The following ZBTB38 variants were observed in gnomAD, a reference collection of about 807,000 sequenced individuals.
ZBTB38 encodes zinc finger and BTB domain-containing protein 38.
A neutral mutation model predicts 76.8 loss-of-function variants in ZBTB38; 20 were observed. The observed-to-expected ratio is 0.26, with a 90% CI of 0.18 to 0.38. The LOEUF (loss-of-function observed/expected upper bound fraction) is 0.38. ZBTB38 is among the 10% of genes least tolerant of loss of function. The pLI is 1.00. For synonymous variants in ZBTB38, 504 were observed against 544.2 expected (o/e 0.93, Z 1.03); for missense variants, 1,082 against 1,482.3 (o/e 0.73, Z 4.43).
intron 5 of ZBTB38, among the ~76,000 whole-genome samples, chr3:141,435,726 C>T (rs1348070555): frequency 2.0e-5 from 3 of 151,394 alleles, no homozygotes; most frequent in Non-Finnish European, 4.4e-5. Context: ...CACCACTGCA[C>T]TCCAGCCTGG....
intron 1 of ZBTB38, among the ~76,000 whole-genome samples, chr3:141,349,557 A>ATC (rs2148929213): frequency 6.6e-6 from 1 of 152,226 alleles, no homozygotes; most frequent in Non-Finnish European, 1.5e-5. Flanking sequence ...ATACTTGAAG[A>ATC]AAGAATACAA....
chr3:141,437,688 A>G (rs558954144), intron 5 of ZBTB38, among the ~76,000 whole-genome samples: 3 of 152,338 alleles, frequency 2.0e-5, no homozygotes, highest in East Asian at 3.9e-4. Context: ...ATAAAAATAC[A>G]TATGGATTCC....
intron 5 of ZBTB38, among the ~76,000 whole-genome samples, chr3:141,417,767 A>G (rs1254082180): frequency 6.6e-6 from 1 of 152,192 alleles, no homozygotes; most frequent in Non-Finnish European, 1.5e-5. Context: ...CTGTAATCCC[A>G]GCACTTTGGG....
chr3:141,379,375 T>G (rs1315773480), intron 2 of ZBTB38, among the ~76,000 whole-genome samples: 1 of 152,186 alleles, frequency 6.6e-6, no homozygotes, highest in Non-Finnish European at 1.5e-5. Flanking sequence ...AGATGGAGGC[T>G]GAGCATATGG....
At chr3:141,411,710 A>T (rs1430455923) in intron 5 of ZBTB38, among the ~76,000 whole-genome samples, 2 of 152,150 alleles carry the variant, frequency 1.3e-5, no homozygotes, top group African/African-American at 4.8e-5. Flanking sequence ...AAGAAAAAAA[A>T]CCCTGACCTT....
intron 1 of ZBTB38, among the ~76,000 whole-genome samples, chr3:141,339,358 G>T (rs951549131): frequency 2.6e-5 from 4 of 152,178 alleles, no homozygotes; most frequent in Non-Finnish European, 4.4e-5. Context: ...GGAGCATTTT[G>T]AACAGAAGAG....
intron 4 of ZBTB38, among the ~76,000 whole-genome samples, chr3:141,401,326 T>A (rs1186692806): frequency 2.0e-5 from 3 of 152,208 alleles, no homozygotes; most frequent in African/African-American, 7.2e-5. Context: ...GGTTGGGAAA[T>A]GCTAATATAC....
chr3:141,403,240 T>C (rs1296162484), intron 4 of ZBTB38: 1 of 152,218 alleles, frequency 6.6e-6, no homozygotes. Context: ...TATGGTGCCT[T>C]ATACATATTT....
intron 2 of ZBTB38, among the ~76,000 whole-genome samples, chr3:141,377,247 C>T (rs1422213883): frequency 6.6e-6 from 1 of 152,224 alleles, no homozygotes; most frequent in Non-Finnish European, 1.5e-5. Flanking sequence ...CCAGAAAGAC[C>T]ATCCCATTTT....
chr3:141,336,231 G>A (rs1943011984), intron 1 of ZBTB38, among the ~76,000 whole-genome samples: 2 of 152,138 alleles, frequency 1.3e-5, no homozygotes, highest in African/African-American at 4.8e-5. Flanking sequence ...AAAGGCACTG[G>A]CTGGTGCCTG....
intron 5 of ZBTB38, among the ~76,000 whole-genome samples, chr3:141,407,117 T>TA (rs1321826649): frequency 6.6e-6 from 1 of 152,240 alleles, no homozygotes; most frequent in East Asian, 1.9e-4. Flanking sequence ...TATCCCTTAA[T>TA]AGAATTGAGT....
Position 141,371,045 on chromosome 3 carries a change from C to CTTTCCTTTTTTTTTTTT in ZBTB38, c.-235+1102_-235+1103insCCTTTTTTTTTTTTTTT, listed in dbSNP as rs1944498561. Among the ~76,000 whole-genome samples, 4 of 72,006 alleles carry CTTTCCTTTTTTTTTTTT rather than the reference C, an allele frequency of 5.6e-5. 1 individual carries two copies. Among genetic ancestry groups the CTTTCCTTTTTTTTTTTT allele is most frequent in the African/African-American group, 2.3e-4 (3 of 12,854 alleles). 47.2% of individuals were successfully genotyped at this position (72,006 alleles called of 152,430 possible). A position where few individuals can be genotyped will look rare whatever the true frequency, so the allele number is the denominator to read the frequency against. ...GTTTTTTCTTTTCTTTTCTTTCTTT[C>CTTTCCTTTTTTTTTTTT]TTTTTTTTTTTTTTTTTTTTTTTTT... On this transcript the variant is annotated intron_variant, in intron 2 of 5. Transcript: ENST00000321464.
At chr3:141,398,358 C>G (rs1427978507) in intron 4 of ZBTB38, among the ~76,000 whole-genome samples, 1 of 151,880 alleles carries the variant, frequency 6.6e-6, no homozygotes, top group East Asian at 1.9e-4. Context: ...AGTAGTATAT[C>G]CCTATTATGA....
At chr3:141,390,816 A>G (rs1948648536) in intron 4 of ZBTB38, among the ~76,000 whole-genome samples, 1 of 152,198 alleles carries the variant, frequency 6.6e-6, no homozygotes, top group Admixed American at 6.5e-5. Context: ...AAAAATATAG[A>G]TGTAAATAAA....
At chr3:141,401,386 A>G (rs887365273) in intron 4 of ZBTB38, among the ~76,000 whole-genome samples, 10 of 151,446 alleles carry the variant, frequency 6.6e-5, no homozygotes, top group African/African-American at 2.4e-4. Context: ...TCTTCCTTTT[A>G]TTTTTAAATA....
At chr3:141,400,014 ATGTAT>A (rs1951445333) in intron 4 of ZBTB38, among the ~76,000 whole-genome samples, 1 of 139,960 alleles carries the variant, frequency 7.1e-6, no homozygotes, top group Admixed American at 7.6e-5. Flanking sequence ...TTTTTTGCAA[ATGTAT>A]TGAAATGAGA....
intron 5 of ZBTB38, chr3:141,434,380 T>C: frequency 7.4e-6 from 1 of 135,778 alleles, no homozygotes; most frequent in Non-Finnish European, 1.4e-5. Context: ...GGAGAGTGTG[T>C]GCTGTGTGTG....
At chr3:141,348,748 G>T (rs570544693) in intron 1 of ZBTB38, among the ~76,000 whole-genome samples, 4 of 152,272 alleles carry the variant, frequency 2.6e-5, no homozygotes, top group South Asian at 4.1e-4. Flanking sequence ...GATTCAAGAT[G>T]GCAGATAAGC....
intron 4 of ZBTB38, among the ~76,000 whole-genome samples, chr3:141,399,987 CTTTTTTT>C (rs557587979): frequency 6.2e-5 from 5 of 80,464 alleles, no homozygotes; most frequent in South Asian, 4.8e-4. Context: ...GAAAGTCTTG[CTTTTTTT>C]TTTTTTTTTT....
Sources: allele counts gnomAD v4.1 joint callset (sites outside exome capture counted in the v4.1 genomes callset), GRCh38; gene constraint gnomAD v4.1.1; transcripts MANE v1.5; gene names NCBI Gene and HGNC (gene_info 2026-07-23, HGNC 2026-07-21).